Variants in AGAP1 observed in about 807,000 individuals in gnomAD.
AGAP1 encodes ArfGAP with GTPase domain, ankyrin repeat and PH domain 1.
AGAP1 carries 29 observed loss-of-function variants against 105.3 expected under a neutral mutation model. The ratio of observed to expected loss-of-function variants is 0.28; its 90% CI spans 0.21 to 0.38. AGAP1 has a LOEUF of 0.38. Ranked by LOEUF, AGAP1 falls within the 10% of genes least tolerant of loss-of-function variation. The pLI is 1.00. For missense variants in AGAP1, 998 were observed against 1,165.1 expected (o/e 0.86, Z 2.09); for synonymous variants, 509 against 485.9 (o/e 1.05, Z -0.63).
At chr2:235,803,055 ATGG>A (rs76993912) in intron 8 of AGAP1, among the ~76,000 whole-genome samples, 3 of 3,982 alleles carry the variant, frequency 7.5e-4, no homozygotes, top group South Asian at 6.9e-3. Context: ...GGTTGTGGTG[ATGG>A]TGGTGATAGT....
chr2:235,804,216 G>C (rs930086070), intron 8 of AGAP1, among the ~76,000 whole-genome samples: 5 of 152,144 alleles, frequency 3.3e-5, no homozygotes, highest in Non-Finnish European at 7.3e-5. Context: ...CTGTAAACTT[G>C]TTCTAGTGTG....
At chr2:235,860,811 A>G (rs576508918) in intron 9 of AGAP1, among the ~76,000 whole-genome samples, 7 of 152,252 alleles carry the variant, frequency 4.6e-5, no homozygotes, top group African/African-American at 1.2e-4. Context: ...TGATGGTTCA[A>G]TTAGCATGTA....
chr2:235,772,876 A>G (rs1955568455), intron 6 of AGAP1, among the ~76,000 whole-genome samples: 3 of 152,106 alleles, frequency 2.0e-5, no homozygotes, highest in African/African-American at 7.2e-5. Context: ...TGCATTCTTT[A>G]TGTGCCCAGT....
rs1446960024 is a variant in AGAP1, at chr2:236,101,955, G to A, written c.2115-18237G>A. Reference sequence around the variant, plus strand: ...TTCTGTGCAAACATACTCACACACAGTTTCCAAATGAAGTCACAAACTTCC... The same window carrying A: ...TTCTGTGCAAACATACTCACACACAATTTCCAAATGAAGTCACAAACTTCC... On this transcript the variant is annotated intron_variant, in intron 16 of 17. Transcript: ENST00000304032. The surrounding 1 kb of genome is among the most constrained non-coding windows in gnomAD (Gnocchi z 4.9). 1.3e-5 allele frequency among the ~76,000 whole-genome samples: 2 copies of A among 152,220 alleles called. No individual in the cohort carries two copies. Among genetic ancestry groups the A allele is most frequent in the East Asian group, 3.9e-4 (2 of 5,186 alleles).
intron 12 of AGAP1, among the ~76,000 whole-genome samples, chr2:235,938,698 T>G (rs915414822): frequency 2.0e-5 from 3 of 152,124 alleles, no homozygotes; most frequent in Admixed American, 2.0e-4. Context: ...AATGTCTCAC[T>G]GGGCTCCGAG....
At chr2:235,840,495 G>A (rs1473564647) in intron 9 of AGAP1, among the ~76,000 whole-genome samples, 1 of 152,216 alleles carries the variant, frequency 6.6e-6, no homozygotes, top group Non-Finnish European at 1.5e-5. Context: ...TGGTGGGTCA[G>A]ATCTCAATAC....
At chr2:235,661,622 C>T (rs924792182) in intron 1 of AGAP1, among the ~76,000 whole-genome samples, 13 of 152,258 alleles carry the variant, frequency 8.5e-5, no homozygotes, top group Admixed American at 3.3e-4. Context: ...TTCCGATGCT[C>T]GTGCTAGCCT....
intron 3 of AGAP1, among the ~76,000 whole-genome samples, chr2:235,738,429 T>C (rs1301910119): frequency 6.6e-6 from 1 of 152,014 alleles, no homozygotes; most frequent in Non-Finnish European, 1.5e-5. Flanking sequence ...CAGGGAGGGC[T>C]CGGCAGGGAT....
chr2:235,845,698 G>C lies in AGAP1; in HGVS notation c.1051-37647G>C, dbSNP rs1961399346. On this transcript the variant is annotated intron_variant, in intron 9 of 17. Coordinates refer to ENST00000304032, the MANE Select transcript of AGAP1 (RefSeq NM_001037131.3). The surrounding 1 kb of genome is among the most constrained non-coding windows in gnomAD (Gnocchi z 4.8). Reference sequence around the variant, plus strand: ...CGGTGACATCCACGGAGTCACCCAAGTCACCAGCCGGGACTATTCCTGATG... The same window carrying C: ...CGGTGACATCCACGGAGTCACCCAACTCACCAGCCGGGACTATTCCTGATG... Among the ~76,000 whole-genome samples the C allele has an allele frequency of 6.6e-6, 1 of 151,770 alleles. No individual in the cohort carries two copies. Among genetic ancestry groups the C allele is most frequent in the Non-Finnish European group, 1.5e-5 (1 of 67,964 alleles).
At chr2:235,497,428 A>G (rs1417436901) in intron 1 of AGAP1, among the ~76,000 whole-genome samples, 7 of 152,216 alleles carry the variant, frequency 4.6e-5, no homozygotes, top group Non-Finnish European at 8.8e-5. Context: ...CAATCAGGAC[A>G]GCAGGTGCAC....
rs1338786970 is a variant in AGAP1, at chr2:235,930,423, C to T, written c.1325-342C>T. 6.6e-6 allele frequency among the ~76,000 whole-genome samples: 1 copy of T among 152,182 alleles called. No homozygotes were observed. The highest frequency in any genetic ancestry group is 2.4e-5 in the African/African-American group (1 of 41,442). On this transcript the variant is annotated intron_variant, in intron 11 of 17. Coordinates refer to ENST00000304032, the MANE Select transcript of AGAP1 (RefSeq NM_001037131.3). This position sits in a 1 kb window ranked among gnomAD's most constrained non-coding sequence, Gnocchi z 7.9. ...CCCATCTTGCCGGCCTGCCGGATCGCGGTGTCTCTGCTAAGACTCGCTGGG... is the reference window on the plus strand; with the variant it reads ...CCCATCTTGCCGGCCTGCCGGATCGTGGTGTCTCTGCTAAGACTCGCTGGG...
In AGAP1 at chr2:235,865,184, G is replaced by A. The variant is rs758508292; in HGVS notation, c.1051-18161G>A. ...TTACTGCTGAGCTCTGGAGAGGGGA[G>A]CAGTTTAGCCAATTATTGCCATTTG... is the stretch of plus-strand genomic sequence containing the variant. On this transcript the variant is annotated intron_variant, in intron 9 of 17. Transcript: ENST00000304032. This position sits in a 1 kb window ranked among gnomAD's most constrained non-coding sequence, Gnocchi z 6.2. 4.6e-5 allele frequency among the ~76,000 whole-genome samples: 7 copies of A among 152,330 alleles called. No homozygotes were observed. Among genetic ancestry groups the A allele is most frequent in the Non-Finnish European group, 8.8e-5 (6 of 68,034 alleles).
At chr2:235,998,828 G>T (rs1300875567) in intron 13 of AGAP1, among the ~76,000 whole-genome samples, 2 of 147,332 alleles carry the variant, frequency 1.4e-5, no homozygotes, top group African/African-American at 2.4e-5. Flanking sequence ...GTGAGAGTTG[G>T]TGATGGTGGT....
chr2:235,771,769 G>T (rs1174684833), intron 6 of AGAP1, among the ~76,000 whole-genome samples: 1 of 152,094 alleles, frequency 6.6e-6, no homozygotes, highest in Non-Finnish European at 1.5e-5. Context: ...CAGCACTCCT[G>T]TCTCTCCCCA....
chr2:236,078,281 C>T lies in AGAP1; in HGVS notation c.2114+29000C>T, dbSNP rs75377965. Among the ~76,000 whole-genome samples the T allele has an allele frequency of 4.2e-3, 641 of 152,186 alleles. 6 individuals carry two copies. Among genetic ancestry groups the T allele is most frequent in the African/African-American group, 0.015 (621 of 41,524 alleles). ...TGCTTGATGTAGGATTTCATCATCA[C>T]GAAACCTGTTTTTTGCTCTTTGGGC... On this transcript the variant is annotated intron_variant, in intron 16 of 17. Transcript: ENST00000304032. The surrounding 1 kb of genome is among the most constrained non-coding windows in gnomAD (Gnocchi z 5.3).
At chr2:236,086,873 A>ACCTC (rs2058942895) in intron 16 of AGAP1, among the ~76,000 whole-genome samples, 1 of 48,524 alleles carries the variant, frequency 2.1e-5, no homozygotes, top group African/African-American at 8.3e-5. Context: ...CCCCTGCCCT[A>ACCTC]CCTCCCTCCC....
chr2:235,530,161 T>G (rs1389982150), intron 1 of AGAP1, among the ~76,000 whole-genome samples: 1 of 152,144 alleles, frequency 6.6e-6, no homozygotes, highest in African/African-American at 2.4e-5. Context: ...GGAGCTGCAG[T>G]TGGCCTCAAA....
chr2:235,563,352 G>A (rs990069201), intron 1 of AGAP1, among the ~76,000 whole-genome samples: 13 of 152,062 alleles, frequency 8.5e-5, no homozygotes, highest in African/African-American at 1.9e-4. Context: ...TCCTGGCCAC[G>A]GCTTGAGATC....
intron 1 of AGAP1, among the ~76,000 whole-genome samples, chr2:235,595,007 G>A (rs77757582): frequency 0.17 from 25,274 of 151,780 alleles, 2,661 homozygotes; most frequent in South Asian, 0.28. Flanking sequence ...CTGGCAAGGA[G>A]GAGAGGGCAC....
Sources: gnomAD v4.1 joint callset for allele counts (sites outside exome capture counted in the v4.1 genomes callset) on GRCh38, gnomAD v4.1.1 for gene constraint, Gnocchi (gnomAD v3.1) non-coding constraint, MANE v1.5 for transcripts, NCBI Gene and HGNC (gene_info 2026-07-23, HGNC 2026-07-21) for gene names.